Variants in TAFA4 observed in about 807,000 individuals in gnomAD.
TAFA4 encodes TAFA chemokine like family member 4, also known as chemokine-like protein TAFA-4.
TAFA4 carries 20 observed loss-of-function variants against 21.1 expected under a neutral mutation model. The ratio of observed to expected loss-of-function variants is 0.95; its 90% CI spans 0.67 to 1.38. The LOEUF (loss-of-function observed/expected upper bound fraction) is 1.38, where lower values mean the gene tolerates loss of function less well. Among genes scored for constraint, TAFA4 ranks in the 40% most tolerant of loss-of-function variants. The probability of loss-of-function intolerance (pLI) is 0.00; values close to 1 mark genes in which losing one functional copy is unlikely to be tolerated. For synonymous variants in TAFA4, 71 were observed against 67.4 expected, an observed-to-expected ratio of 1.05 and a Z score of -0.26; for missense variants, 211 against 180.9, an observed-to-expected ratio of 1.17 and a Z score of -0.95.
intron 3 of TAFA4, among the ~76,000 whole-genome samples, chr3:68,803,093 T>C (rs1477991244): frequency 1.3e-5 from 2 of 152,180 alleles, no homozygotes; most frequent in African/African-American, 4.8e-5. Flanking sequence ...AAAATGTCCT[T>C]CGTTGCCAAA....
At chr3:68,817,835 G>T (rs1000406448) in intron 3 of TAFA4, among the ~76,000 whole-genome samples, 2 of 152,090 alleles carry the variant, frequency 1.3e-5, no homozygotes, top group Admixed American at 1.3e-4. Context: ...GATATGTGCT[G>T]TCATCCTGGC....
At chr3:68,811,264 A>G (rs10446384) in intron 3 of TAFA4, among the ~76,000 whole-genome samples, 101,285 of 151,990 alleles carry the variant, frequency 0.67, 34,224 homozygotes, top group East Asian at 0.98. Context: ...AAATCAGAGT[A>G]CCTCTCCTCC....
chr3:68,926,497 G>T (rs1183260807), intron 1 of TAFA4, among the ~76,000 whole-genome samples: 1 of 152,192 alleles, frequency 6.6e-6, no homozygotes, highest in Non-Finnish European at 1.5e-5. Context: ...AGATACTTGG[G>T]TTCCCCGACA....
chr3:68,903,406 G>T, intron 1 of TAFA4, among the ~76,000 whole-genome samples: 1 of 152,156 alleles, frequency 6.6e-6, no homozygotes, highest in Non-Finnish European at 1.5e-5. Flanking sequence ...CCTATGACTT[G>T]GCCGCAAATA....
chr3:68,804,518 C>G (rs1339402095), intron 3 of TAFA4, among the ~76,000 whole-genome samples: 1 of 152,154 alleles, frequency 6.6e-6, no homozygotes, highest in Non-Finnish European at 1.5e-5. Flanking sequence ...AAGAACAAAG[C>G]TGGAGGCAGC....
chr3:68,756,240 C>A (rs1421087714), intron 3 of TAFA4, among the ~76,000 whole-genome samples: 1 of 152,154 alleles, frequency 6.6e-6, no homozygotes, highest in African/African-American at 2.4e-5. Flanking sequence ...GGGAGACTTA[C>A]CTTTGCTCTG....
intron 3 of TAFA4, among the ~76,000 whole-genome samples, chr3:68,780,895 G>C (rs1251940528): frequency 1.1e-5 from 1 of 91,846 alleles, no homozygotes; most frequent in Non-Finnish European, 2.4e-5. Flanking sequence ...CATATTCTAG[G>C]ACATAAAAAA....
chr3:68,898,085 G>T (rs1356266834), intron 1 of TAFA4, among the ~76,000 whole-genome samples: 1 of 152,176 alleles, frequency 6.6e-6, no homozygotes, highest in Non-Finnish European at 1.5e-5. Flanking sequence ...AGTGCAATCA[G>T]GAGAGCTGGA....
chr3:68,857,839 A>G (rs936748748), intron 3 of TAFA4, among the ~76,000 whole-genome samples: 1 of 152,116 alleles, frequency 6.6e-6, no homozygotes, highest in Admixed American at 6.6e-5. Flanking sequence ...AAAAAAAACA[A>G]AGAAAAGAAG....
chr3:68,748,189 A>G (rs988771145), intron 4 of TAFA4, among the ~76,000 whole-genome samples: 3 of 152,262 alleles, frequency 2.0e-5, no homozygotes, highest in African/African-American at 7.2e-5. Context: ...GGTCAGGCAC[A>G]AAGGTGCCAA....
intron 3 of TAFA4, among the ~76,000 whole-genome samples, chr3:68,833,291 T>A (rs1028315182): frequency 2.6e-5 from 4 of 152,208 alleles, no homozygotes; most frequent in Admixed American, 6.5e-5. Flanking sequence ...CTGGAAGCTA[T>A]AGACTGGAGC....
intron 3 of TAFA4, among the ~76,000 whole-genome samples, chr3:68,839,117 A>G (rs931317437): frequency 6.6e-6 from 1 of 152,144 alleles, no homozygotes; most frequent in Non-Finnish European, 1.5e-5. Context: ...CAACAACAAC[A>G]AAAATTCCCT....
chr3:68,893,208 C>T (rs1296671008), intron 1 of TAFA4, among the ~76,000 whole-genome samples: 1 of 152,178 alleles, frequency 6.6e-6, no homozygotes, highest in African/African-American at 2.4e-5. Context: ...AGATTATCTA[C>T]AAGTTGCCAA....
intron 3 of TAFA4, among the ~76,000 whole-genome samples, chr3:68,758,469 G>A (rs1267615692): frequency 6.6e-6 from 1 of 152,108 alleles, no homozygotes; most frequent in Non-Finnish European, 1.5e-5. Context: ...GAGTTCCCCT[G>A]CACACACTCT....
In TAFA4 at chr3:68,885,238, G is replaced by C; in HGVS notation, c.-50C>G. The C allele has an allele frequency of 6.3e-7, 1 of 1,579,256 alleles. No individual in the cohort carries two copies. The highest frequency in any genetic ancestry group is 2.3e-5 in the East Asian group (1 of 44,430). On this transcript the variant is annotated 5_prime_UTR_variant, in exon 2 of 6. Coordinates refer to ENST00000295569, the MANE Select transcript of TAFA4 (RefSeq NM_182522.5). ...CTTATTCCAGGATATATTTCAGAGTGACTCCAAATTCCCATCTGTTGCTAG... is the reference window on the plus strand; with the variant it reads ...CTTATTCCAGGATATATTTCAGAGTCACTCCAAATTCCCATCTGTTGCTAG...
chr3:68,927,822 C>T (rs1316232950), intron 1 of TAFA4, among the ~76,000 whole-genome samples: 1 of 151,252 alleles, frequency 6.6e-6, no homozygotes, highest in African/African-American at 2.4e-5. Flanking sequence ...TGCTTTAGCC[C>T]AGGAGGTCAA....
At chr3:68,881,633 C>T (rs1431200056) in intron 2 of TAFA4, among the ~76,000 whole-genome samples, 3 of 152,214 alleles carry the variant, frequency 2.0e-5, no homozygotes, top group South Asian at 2.1e-4. Context: ...AAACTCACCG[C>T]ATTTGGCATC....
intron 3 of TAFA4, among the ~76,000 whole-genome samples, chr3:68,799,016 G>GA (rs1051129243): frequency 2.6e-5 from 4 of 152,122 alleles, no homozygotes; most frequent in African/African-American, 9.7e-5. Flanking sequence ...GACATACCTT[G>GA]AAAAATGCTT....
intron 3 of TAFA4, among the ~76,000 whole-genome samples, chr3:68,763,605 A>G (rs979700709): frequency 1.3e-5 from 2 of 152,120 alleles, no homozygotes; most frequent in African/African-American, 4.8e-5. Flanking sequence ...ACTTTTTAAG[A>G]TATCTAAAAA....
Sources: gnomAD v4.1 joint callset for allele counts (sites outside exome capture counted in the v4.1 genomes callset) on GRCh38, gnomAD v4.1.1 for gene constraint, MANE v1.5 for transcripts, NCBI Gene and HGNC (gene_info 2026-07-23, HGNC 2026-07-21) for gene names.